GRM4: variants seen among roughly 807,000 people sequenced by gnomAD.
The protein encoded by GRM4 is glutamate metabotropic receptor 4, also known as metabotropic glutamate receptor 4.
A neutral mutation model predicts 81.7 loss-of-function variants in GRM4; 28 were observed. The observed-to-expected ratio is 0.34, with a 90% confidence interval of 0.25 to 0.47. GRM4 has a LOEUF of 0.47. GRM4 is among the 20% of genes least tolerant of loss of function. GRM4 has a pLI of 1.00. For synonymous variants in GRM4, 488 were observed against 528.8 expected, an observed-to-expected ratio of 0.92 and a Z score of 1.06; for missense variants, 948 against 1,290.0, an observed-to-expected ratio of 0.73 and a Z score of 4.06.
chr6:34,020,894 C>G lies in GRM4; in HGVS notation c.*1927G>C, dbSNP rs1763848577. On this transcript the variant is annotated 3_prime_UTR_variant, in exon 11 of 11. Coordinates refer to ENST00000538487, the MANE Select transcript of GRM4 (RefSeq NM_000841.4). ...CTCATACTCTGTCCCTGCGTGGCCC[C>G]CTGCCTAGGGTTCCTCCAGTCCCTT... 6.6e-6 allele frequency: 1 copy of G among 152,344 alleles called. No individual in the cohort carries two copies. Among genetic ancestry groups the G allele is most frequent in the South Asian group, 2.1e-4 (1 of 4,834 alleles). 9.4% of individuals were successfully genotyped at this position (152,344 alleles called of 1,614,324 possible).
In GRM4 at chr6:34,036,154, G is replaced by C; in HGVS notation, c.1956C>G (p.Cys652Trp). The C allele has an allele frequency of 6.2e-7, 1 of 1,614,200 alleles. No individual in the cohort carries two copies. Among genetic ancestry groups the C allele is most frequent in the Non-Finnish European group, 8.5e-7 (1 of 1,180,016 alleles). ...LMIAEPDLGT[C>W]SLRRIFLGLG... Reference sequence around the variant, plus strand: ...GTCCCAGGAAGATTCGGCGCAGCGAGCAGGTGCCAAGGTCGGGCTCAGCGA... The same window carrying C: ...GTCCCAGGAAGATTCGGCGCAGCGACCAGGTGCCAAGGTCGGGCTCAGCGA... The change falls in exon 9 of 11, where the codon TGC becomes TGG. Residue 652 changes from cysteine to tryptophan, a missense_variant. Cys to Trp is a radical substitution (Grantham distance 215). Coordinates refer to ENST00000538487, the MANE Select transcript of GRM4 (RefSeq NM_000841.4). The surrounding 1 kb of genome is among the most constrained non-coding windows in gnomAD (Gnocchi z 9.0).
At position 34,040,756 on chromosome 6, in the gene GRM4, G is replaced by T. The variant is rs753385157; in HGVS notation, c.1169-8C>A. The stretch of plus-strand genomic sequence containing the variant: ...GCCCAATTCGCTCACGGTCTGCAAT[G>T]AAACACCAGGAACAGGGACACTCGT... On this transcript the variant is annotated splice_region_variant and splice_polypyrimidine_tract_variant and intron_variant, in intron 6 of 10. Transcript: ENST00000538487. 1.9e-6 allele frequency: 3 copies of T among 1,609,050 alleles called. No homozygotes were observed.
intron 2 of GRM4, among the ~76,000 whole-genome samples, chr6:34,112,852 C>A (rs1377051362): frequency 6.6e-6 from 1 of 152,204 alleles, no homozygotes; most frequent in East Asian, 1.9e-4. Context: ...ATACCCCTAA[C>A]TTCCTCTGTC....
At chr6:34,141,822 A>ACCCTTCTC (rs1770701584) in intron 1 of GRM4, among the ~76,000 whole-genome samples, 2 of 152,180 alleles carry the variant, frequency 1.3e-5, no homozygotes, top group Non-Finnish European at 2.9e-5. Context: ...GAAGTGGGAA[A>ACCCTTCTC]CCAAGGCAGA....
intron 2 of GRM4, among the ~76,000 whole-genome samples, chr6:34,101,177 C>T (rs1768818030): frequency 6.6e-6 from 1 of 152,240 alleles, no homozygotes; most frequent in Admixed American, 6.5e-5. Context: ...CACACACACA[C>T]ATGCAATCCT....
At chr6:34,144,391 T>C (rs1287780679) in intron 1 of GRM4, among the ~76,000 whole-genome samples, 1 of 152,136 alleles carries the variant, frequency 6.6e-6, no homozygotes, top group African/African-American at 2.4e-5. Context: ...CAGAGACCAC[T>C]GCCGGTCCGC....
At position 34,110,643 on chromosome 6, in the gene GRM4, C is replaced by T. The variant is rs1769335945; in HGVS notation, c.520-18544G>A. ...CCCTGCTCCCTACCCCCTTACCATA[C>T]CCCTTCTCATCCCCACCTTACATGA... is the stretch of plus-strand genomic sequence containing the variant. On this transcript the variant is annotated intron_variant, in intron 2 of 10. Transcript: ENST00000538487. The T allele has an allele frequency of 3.3e-6, 4 of 1,195,070 alleles. No individual in the cohort carries two copies. In the East Asian group the frequency reaches 7.7e-5, roughly 23 times the overall value. The allele number at this position is 1,195,070 out of a possible 1,614,324, so 74.0% of individuals were successfully genotyped here. A position where few individuals can be genotyped will look rare whatever the true frequency, so the allele number is the denominator to read the frequency against.
rs187144811 is a variant in GRM4 at position 34,087,190 on chromosome 6, G to A, written c.736+4693C>T. On this transcript the variant is annotated intron_variant, in intron 3 of 10. Coordinates refer to ENST00000538487, the MANE Select transcript of GRM4 (RefSeq NM_000841.4). ...TCCCAGCACTTTGGGAGGCCAAGGCGGGTGGATCACCTGAAGTCAGGGATT... is the reference window on the plus strand; with the variant it reads ...TCCCAGCACTTTGGGAGGCCAAGGCAGGTGGATCACCTGAAGTCAGGGATT... 5.5e-3 allele frequency among the ~76,000 whole-genome samples: 826 copies of A among 151,430 alleles called. 9 individuals carry two copies. The highest frequency in any genetic ancestry group is 0.014 in the Middle Eastern group (4 of 286).
chr6:34,100,061 A>G, intron 2 of GRM4: 1 of 983,632 alleles, frequency 1.0e-6, no homozygotes, highest in Non-Finnish European at 1.2e-6. Context: ...CCAGCTGCCT[A>G]CTCCTGCCCT....
At chr6:34,073,001 CAG>C (rs774389796) in intron 3 of GRM4, among the ~76,000 whole-genome samples, 920 of 26,778 alleles carry the variant, frequency 0.034, 9 homozygotes, top group Non-Finnish European at 0.061. Context: ...ACACATCACA[CAG>C]ATACACACCA....
In GRM4 at chr6:34,111,114, T is replaced by TACACAC. The variant is rs56326901; in HGVS notation, c.520-19021_520-19016dup. 5.1e-3 allele frequency: 731 copies of TACACAC among 143,998 alleles called. 6 individuals are homozygous for TACACAC. Among genetic ancestry groups the TACACAC allele is most frequent in the African/African-American group, 0.016 (579 of 36,612 alleles). 8.9% of individuals were successfully genotyped at this position (143,998 alleles called of 1,614,324 possible). A position where few individuals can be genotyped will look rare whatever the true frequency, so the allele number is the denominator to read the frequency against. ...GAGGAGGAGACACACACAGGCCACA[T>TACACAC]ACACACACACACACACACACACACA... On this transcript the variant is annotated intron_variant, in intron 2 of 10. Coordinates refer to ENST00000538487, the MANE Select transcript of GRM4 (RefSeq NM_000841.4). The surrounding 1 kb of genome is among the most constrained non-coding windows in gnomAD (Gnocchi z 5.1).
rs1328319995 is a variant in GRM4 at position 34,059,408 on chromosome 6, A to G, written c.873-280T>C. Reference sequence around the variant, plus strand: ...TCTCCAGGCCTACATCTGTCCCTGCAAAGACCACACCTCTCCCCTCCAGAT... The same window carrying G: ...TCTCCAGGCCTACATCTGTCCCTGCGAAGACCACACCTCTCCCCTCCAGAT... On this transcript the variant is annotated intron_variant, in intron 4 of 10. Transcript: ENST00000538487. This position sits in a 1 kb window ranked among gnomAD's most constrained non-coding sequence, Gnocchi z 5.7. 2.1e-6 allele frequency: 1 copy of G among 469,558 alleles called. No individual in the cohort carries two copies. Among genetic ancestry groups the G allele is most frequent in the East Asian group, 3.8e-5 (1 of 25,994 alleles). 29.1% of individuals were successfully genotyped at this position (469,558 alleles called of 1,614,324 possible).
Position 34,089,254 on chromosome 6 carries a change from A to G in GRM4, c.736+2629T>C, listed in dbSNP as rs1480324812. 1.3e-5 allele frequency among the ~76,000 whole-genome samples: 2 copies of G among 152,164 alleles called. No homozygotes were observed. Among genetic ancestry groups the G allele is most frequent in the Non-Finnish European group, 2.9e-5 (2 of 68,036 alleles). Reference sequence around the variant, plus strand: ...TGATTTATACTTCAGAGTACGAATCAATACAATATACGGCCAAAGACATCT... The same window carrying G: ...TGATTTATACTTCAGAGTACGAATCGATACAATATACGGCCAAAGACATCT... On this transcript the variant is annotated intron_variant, in intron 3 of 10. Coordinates refer to ENST00000538487, the MANE Select transcript of GRM4 (RefSeq NM_000841.4). This position sits in a 1 kb window ranked among gnomAD's most constrained non-coding sequence, Gnocchi z 4.3.
chr6:34,154,436 CA>C (rs1771105893), intron 1 of GRM4, among the ~76,000 whole-genome samples: 2 of 152,208 alleles, frequency 1.3e-5, no homozygotes, highest in African/African-American at 2.4e-5. Flanking sequence ...GCATCCCGCT[CA>C]CTGGTCTGCC....
chr6:34,113,092 C>A (rs2127500113), intron 2 of GRM4, among the ~76,000 whole-genome samples: 1 of 152,034 alleles, frequency 6.6e-6, no homozygotes, highest in African/African-American at 2.4e-5. Context: ...TTCCTTCCTC[C>A]CTTCCCTTTC....
In GRM4 at chr6:34,094,218, G is replaced by A. The variant is rs574955442; in HGVS notation, c.520-2119C>T. Among the ~76,000 whole-genome samples, 8 of 152,350 alleles carry A rather than the reference G, an allele frequency of 5.3e-5. No homozygotes were observed. In the South Asian group the frequency reaches 1.0e-3, roughly 20 times the overall value. ...TACTTGCTGCTCTGAAACAAAACAT[G>A]TGCATTGCCTCAGGGGAGGAAAGCA... On this transcript the variant is annotated intron_variant, in intron 2 of 10. Transcript: ENST00000538487.
intron 3 of GRM4, chr6:34,063,277 G>A (rs1561783815): frequency 6.6e-6 from 1 of 152,356 alleles, no homozygotes; most frequent in African/African-American, 2.4e-5. Context: ...CAGAGTGCCG[G>A]GGACACGACT....
chr6:34,133,297 C>A lies in GRM4; in HGVS notation c.200G>T (p.Cys67Phe). ...GCCCTTTTCCTTCTTAAGTTCTCCA[C>A]AGGGCTTGCCCTCTGAGCCCCGGCC... is the stretch of plus-strand genomic sequence containing the variant. ...VHGRGSEGKPCGELKKEKGIH... is the reference protein window; with the variant it reads ...VHGRGSEGKPFGELKKEKGIH... Residue 67 changes from cysteine to phenylalanine, a missense_variant, in exon 2 of 11, where the codon TGT becomes TTT. Transcript: ENST00000538487. The surrounding 1 kb of genome is among the most constrained non-coding windows in gnomAD (Gnocchi z 6.5). 6.2e-7 allele frequency: 1 copy of A among 1,614,154 alleles called. No homozygotes were observed. Among genetic ancestry groups the A allele is most frequent in the Non-Finnish European group, 8.5e-7 (1 of 1,180,028 alleles).
intron 2 of GRM4, among the ~76,000 whole-genome samples, chr6:34,128,783 A>G (rs114360987): frequency 0.017 from 2,539 of 152,294 alleles, 56 homozygotes; most frequent in East Asian, 0.11. Context: ...GCAGTTTGCC[A>G]GGGTGGTCAG....
Sources: gnomAD v4.1 joint callset for allele counts (sites outside exome capture counted in the v4.1 genomes callset) on GRCh38, gnomAD v4.1.1 for gene constraint, Gnocchi (gnomAD v3.1) non-coding constraint, MANE v1.5 for transcripts, NCBI Gene and HGNC (gene_info 2026-07-23, HGNC 2026-07-21) for gene names.